The following ITSN1 variants were observed in gnomAD, a reference collection of about 807,000 sequenced individuals.
ITSN1 encodes intersectin-1.
ITSN1 carries 58 observed loss-of-function variants against 239.8 expected under a neutral mutation model. The observed-to-expected ratio is 0.24, with a 90% CI of 0.20 to 0.30. The LOEUF (loss-of-function observed/expected upper bound fraction) is 0.30. ITSN1 is among the 10% of genes least tolerant of loss of function. The probability of loss-of-function intolerance (pLI) is 1.00; values close to 1 mark genes in which losing one functional copy is unlikely to be tolerated. For missense variants in ITSN1, 1,558 were observed against 2,103.3 expected, an observed-to-expected ratio of 0.74 and a Z score of 5.07; for synonymous variants, 780 against 770.8, an observed-to-expected ratio of 1.01 and a Z score of -0.20.
intron 26 of ITSN1, chr21:33,828,977 G>A (rs2245099): frequency 0.13 from 61,875 of 471,068 alleles, 5,580 homozygotes; most frequent in East Asian, 0.28. Flanking sequence ...GGTCCCTCCT[G>A]TAACGTGAAA....
intron 29 of ITSN1, among the ~76,000 whole-genome samples, chr21:33,843,229 G>T (rs1569292531): frequency 6.6e-6 from 1 of 152,330 alleles, no homozygotes; most frequent in East Asian, 1.9e-4. Flanking sequence ...ATGGACATGT[G>T]TGTCCATAAT....
intron 29 of ITSN1, among the ~76,000 whole-genome samples, chr21:33,849,214 G>A (rs1289085795): frequency 6.6e-6 from 1 of 151,998 alleles, no homozygotes; most frequent in African/African-American, 2.4e-5. Flanking sequence ...CTCCAGCCTG[G>A]GTAACAGAGC....
intron 1 of ITSN1, among the ~76,000 whole-genome samples, chr21:33,714,361 T>C (rs1254390996): frequency 6.6e-6 from 1 of 152,166 alleles, no homozygotes; most frequent in Admixed American, 6.5e-5. Flanking sequence ...GAAGTAGAGT[T>C]GGAGGTCAGA....
At chr21:33,775,784 A>G (rs1365053141) in intron 14 of ITSN1, among the ~76,000 whole-genome samples, 1 of 152,178 alleles carries the variant, frequency 6.6e-6, no homozygotes, top group African/African-American at 2.4e-5. Context: ...ACACTTAAGT[A>G]TTTTAGGGGG....
chr21:33,852,747 T>G (rs530750262), intron 29 of ITSN1, among the ~76,000 whole-genome samples: 41 of 152,290 alleles, frequency 2.7e-4, no homozygotes, highest in African/African-American at 9.1e-4. Flanking sequence ...GGATTTCAGT[T>G]AGTTTTGAGA....
intron 1 of ITSN1, among the ~76,000 whole-genome samples, chr21:33,676,596 A>G (rs1221278464): frequency 1.3e-5 from 2 of 152,214 alleles, no homozygotes; most frequent in African/African-American, 4.8e-5. Context: ...GTTTTGATGC[A>G]AGCAAATACA....
intron 1 of ITSN1, among the ~76,000 whole-genome samples, chr21:33,674,161 C>T (rs940226650): frequency 6.6e-6 from 1 of 152,156 alleles, no homozygotes; most frequent in Non-Finnish European, 1.5e-5. Context: ...CTCTAGGACT[C>T]ATTGGTACCT....
At chr21:33,683,368 T>A (rs1388653129) in intron 1 of ITSN1, among the ~76,000 whole-genome samples, 2 of 152,214 alleles carry the variant, frequency 1.3e-5, no homozygotes, top group Admixed American at 1.3e-4. Flanking sequence ...ACCAAGCCCC[T>A]GTTTGAACCT....
chr21:33,700,951 C>CTGTGTGTGTG (rs72389168), intron 1 of ITSN1, among the ~76,000 whole-genome samples: 3,514 of 141,820 alleles, frequency 0.025, 51 homozygotes, highest in Non-Finnish European at 0.031. Context: ...TTTCTTTTTT[C>CTGTGTGTGTG]TGTGTGTGTG....
chr21:33,835,930 C>CAAAT (rs1602531708), intron 28 of ITSN1, among the ~76,000 whole-genome samples: 1 of 152,250 alleles, frequency 6.6e-6, no homozygotes, highest in Non-Finnish European at 1.5e-5. Flanking sequence ...GGCTCTGTCT[C>CAAAT]AAATAAATAA....
intron 1 of ITSN1, among the ~76,000 whole-genome samples, chr21:33,701,831 G>GCTGA (rs1022144561): frequency 3.1e-4 from 47 of 151,674 alleles, no homozygotes; most frequent in Admixed American, 2.2e-3. Context: ...ACTTTGGGAG[G>GCTGA]CTGAGGTGGG....
At chr21:33,767,300 G>A (rs1192552768) in intron 10 of ITSN1, among the ~76,000 whole-genome samples, 6 of 152,188 alleles carry the variant, frequency 3.9e-5, no homozygotes, top group Admixed American at 3.9e-4. Flanking sequence ...GGGGTGAAAT[G>A]GAGAGATGGG....
chr21:33,784,186 A>G (rs1454867000), intron 16 of ITSN1, among the ~76,000 whole-genome samples: 1 of 152,184 alleles, frequency 6.6e-6, no homozygotes, highest in Admixed American at 6.5e-5. Context: ...AAAAAATCAC[A>G]GGTCAGGTCG....
intron 22 of ITSN1, among the ~76,000 whole-genome samples, chr21:33,816,726 G>T (rs1159722182): frequency 7.9e-5 from 12 of 152,216 alleles, no homozygotes; most frequent in Admixed American, 7.9e-4. Flanking sequence ...GAGAGGATTA[G>T]ACAGTGCAGA....
chr21:33,725,245 C>T (rs2065760290), intron 4 of ITSN1, among the ~76,000 whole-genome samples: 1 of 145,792 alleles, frequency 6.9e-6, no homozygotes, highest in Non-Finnish European at 1.5e-5. Context: ...AAGCGATTCT[C>T]CTGCCTCAGC....
intron 29 of ITSN1, among the ~76,000 whole-genome samples, chr21:33,854,939 C>T (rs557368146): frequency 6.6e-6 from 1 of 152,198 alleles, no homozygotes; most frequent in African/African-American, 2.4e-5. Context: ...TGTTCCTGTC[C>T]CAGCAAGAGA....
At chr21:33,819,181 T>A in intron 23 of ITSN1, 60 bp from the exon 24 acceptor site, 2 of 1,279,948 alleles carry the variant, frequency 1.6e-6, no homozygotes, top group Non-Finnish European at 2.3e-6. Context: ...AAAATCAGTG[T>A]CATTGTACGA....
chr21:33,880,972 C>T (rs1190255483), intron 34 of ITSN1, among the ~76,000 whole-genome samples: 5 of 151,862 alleles, frequency 3.3e-5, no homozygotes, highest in South Asian at 2.1e-4. Context: ...GTTAGAGCCG[C>T]GTTTCAGCGC....
At chr21:33,813,005 A>G (rs1301216388) in intron 21 of ITSN1, among the ~76,000 whole-genome samples, 3 of 151,590 alleles carry the variant, frequency 2.0e-5, no homozygotes, top group African/African-American at 4.9e-5. Flanking sequence ...TCATTTAACT[A>G]TTGTTATTAC....
Sources: gnomAD v4.1 joint callset for allele counts (sites outside exome capture counted in the v4.1 genomes callset) on GRCh38, gnomAD v4.1.1 for gene constraint, MANE v1.5 for transcripts, NCBI Gene and HGNC (gene_info 2026-07-23, HGNC 2026-07-21) for gene names.